PPP4R3A: variants seen among roughly 807,000 people sequenced by gnomAD.
PPP4R3A encodes serine/threonine-protein phosphatase 4 regulatory subunit 3A.
In PPP4R3A, 15 loss-of-function variants were observed where a neutral mutation model predicts 91.7. The observed-to-expected ratio is 0.16, with a 90% CI of 0.11 to 0.25. The LOEUF (loss-of-function observed/expected upper bound fraction) is 0.25. Among genes scored for constraint, PPP4R3A ranks in the 10% least tolerant of loss-of-function variants. The pLI is 1.00. For synonymous variants in PPP4R3A, 377 were observed against 348.7 expected, an observed-to-expected ratio of 1.08 and a Z score of -0.91; for missense variants, 623 against 998.4, an observed-to-expected ratio of 0.62 and a Z score of 5.07.
rs529637366 is a variant in PPP4R3A, at chr14:91,505,677, G to A, written c.142+3829C>T. Among the ~76,000 whole-genome samples the A allele has an allele frequency of 9.7e-4, 147 of 152,204 alleles. 1 individual carries two copies. The highest frequency in any genetic ancestry group is 3.5e-3 in the African/African-American group (146 of 41,548). ...AAATCAAAAGTTTTTTTGGGGAAAA[G>A]CTACAAGTAATTTAGAAAAGAAAAA... On this transcript the variant is annotated intron_variant, in intron 1 of 14. Transcript: ENST00000554943.
At chr14:91,466,940 A>AACACACACACACAC (rs10525073) in intron 10 of PPP4R3A, among the ~76,000 whole-genome samples, 39,162 of 147,340 alleles carry the variant, frequency 0.27, 5,466 homozygotes, top group East Asian at 0.45. Context: ...GTCCTACCAT[A>AACACACACACACAC]ACACACACAC....
chr14:91,460,361 T>A (rs1888053752), intron 14 of PPP4R3A, among the ~76,000 whole-genome samples: 1 of 151,812 alleles, frequency 6.6e-6, no homozygotes, highest in South Asian at 2.1e-4. Context: ...ACTGCTCTGC[T>A]CTCAAGCCTG....
At chr14:91,486,945 A>G (rs937379550) in intron 2 of PPP4R3A, among the ~76,000 whole-genome samples, 21 of 149,192 alleles carry the variant, frequency 1.4e-4, no homozygotes, top group African/African-American at 4.4e-4. Flanking sequence ...AAATATTTAT[A>G]AGGCCTAATA....
At chr14:91,486,774 T>G (rs947444568) in intron 2 of PPP4R3A, among the ~76,000 whole-genome samples, 1 of 151,620 alleles carries the variant, frequency 6.6e-6, no homozygotes, top group Non-Finnish European at 1.5e-5. Context: ...TAGCCGGGCA[T>G]GTGCCTGTAA....
Position 91,458,571 on chromosome 14 carries a change from C to T in PPP4R3A, c.*188G>A. On this transcript the variant is annotated 3_prime_UTR_variant, in exon 15 of 15. Transcript: ENST00000554943. ...GAGCTCAAAGGCTTAAGTCTTTCCCCTAAATATATGATATCCCCTCCTCCT... is the reference window on the plus strand; with the variant it reads ...GAGCTCAAAGGCTTAAGTCTTTCCCTTAAATATATGATATCCCCTCCTCCT... The T allele has an allele frequency of 1.2e-6, 1 of 820,912 alleles. No individual in the cohort carries two copies. Among genetic ancestry groups the T allele is most frequent in the Non-Finnish European group, 2.1e-6 (1 of 485,020 alleles). 50.9% of individuals were successfully genotyped at this position (820,912 alleles called of 1,614,324 possible).
intron 1 of PPP4R3A, among the ~76,000 whole-genome samples, chr14:91,507,420 A>AT (rs1566660360): frequency 7.7e-4 from 61 of 79,706 alleles, no homozygotes; most frequent in Non-Finnish European, 1.2e-3. Context: ...ATACTATATA[A>AT]TATATATACT....
chr14:91,480,331 G>A (rs1889479833), intron 4 of PPP4R3A, among the ~76,000 whole-genome samples: 2 of 152,102 alleles, frequency 1.3e-5, no homozygotes, highest in Admixed American at 6.6e-5. Context: ...GCTTTAAGAA[G>A]TTAAGGCTGC....
chr14:91,464,435 G>A (rs1355457205), intron 11 of PPP4R3A, among the ~76,000 whole-genome samples: 2 of 151,396 alleles, frequency 1.3e-5, no homozygotes, highest in African/African-American at 4.9e-5. Context: ...AAAATAGCAA[G>A]TTTAATGTTT....
At chr14:91,477,930 T>C (rs1889308672) in intron 4 of PPP4R3A, among the ~76,000 whole-genome samples, 1 of 148,544 alleles carries the variant, frequency 6.7e-6, no homozygotes, top group South Asian at 2.2e-4. Flanking sequence ...ATTACGCACA[T>C]GAACCACCAT....
chr14:91,491,494 G>A (rs1038490334), intron 1 of PPP4R3A, among the ~76,000 whole-genome samples: 10 of 152,004 alleles, frequency 6.6e-5, no homozygotes, highest in Admixed American at 2.6e-4. Flanking sequence ...TGCAACCTCC[G>A]CCTCCCAAGT....
intron 12 of PPP4R3A, 33 bp from the exon 13 acceptor site, chr14:91,462,272 A>C: frequency 6.0e-6 from 9 of 1,505,632 alleles, no homozygotes; most frequent in Non-Finnish European, 7.9e-6. Context: ...AAATACAATC[A>C]TATATGGACT....
intron 7 of PPP4R3A, among the ~76,000 whole-genome samples, chr14:91,473,715 A>T (rs1335866705): frequency 6.6e-6 from 1 of 152,212 alleles, no homozygotes; most frequent in Non-Finnish European, 1.5e-5. Flanking sequence ...CCATAGCTTT[A>T]AGAGTAAGAA....
At chr14:91,504,341 AG>A (rs1322489708) in intron 1 of PPP4R3A, among the ~76,000 whole-genome samples, 1 of 149,144 alleles carries the variant, frequency 6.7e-6, no homozygotes, top group Non-Finnish European at 1.5e-5. Flanking sequence ...AAAAAAAAAA[AG>A]AAAAGAAAAG....
At chr14:91,499,084 G>A (rs888215697) in intron 1 of PPP4R3A, among the ~76,000 whole-genome samples, 1 of 151,740 alleles carries the variant, frequency 6.6e-6, no homozygotes, top group African/African-American at 2.4e-5. Context: ...ACCACGCCCA[G>A]CTGAGACCTC....
At chr14:91,498,416 G>T (rs536594646) in intron 1 of PPP4R3A, among the ~76,000 whole-genome samples, 21 of 151,966 alleles carry the variant, frequency 1.4e-4, no homozygotes, top group African/African-American at 4.6e-4. Context: ...TTGTTAACAT[G>T]CTAAGTTAGA....
Position 91,506,339 on chromosome 14 carries a change from G to A in PPP4R3A, c.142+3167C>T, listed in dbSNP as rs377545813. On this transcript the variant is annotated intron_variant, in intron 1 of 14. Coordinates refer to ENST00000554943, the MANE Select transcript of PPP4R3A (RefSeq NM_001366432.2). Reference sequence around the variant, plus strand: ...CAAATGCAAGTAGACAGTAACATGGGAGTTTAATATGGTTAATAGCACTAA... The same window carrying A: ...CAAATGCAAGTAGACAGTAACATGGAAGTTTAATATGGTTAATAGCACTAA... Among the ~76,000 whole-genome samples the A allele has an allele frequency of 1.2e-4, 19 of 152,280 alleles. No individual in the cohort carries two copies. In the East Asian group the frequency reaches 3.3e-3, roughly 26 times the overall value.
At chr14:91,470,036 A>G (rs1888744537) in intron 10 of PPP4R3A, among the ~76,000 whole-genome samples, 1 of 151,994 alleles carries the variant, frequency 6.6e-6, no homozygotes, top group African/African-American at 2.4e-5. Flanking sequence ...GTGCATGACT[A>G]TGACTGCTTC....
At position 91,509,999 on chromosome 14, in the gene PPP4R3A, T is replaced by TCCGCGAAGCAGCTTC. The variant is rs1891690643; in HGVS notation, c.-367_-353dup. On this transcript the variant is annotated 5_prime_UTR_variant, in exon 1 of 15. Transcript: ENST00000554943. ...CCCTGCTCCCGCCTCCGCCATGATC[T>TCCGCGAAGCAGCTTC]CCGCGAAGCAGCTTCCCGCGCCGCC... is the stretch of plus-strand genomic sequence containing the variant. The TCCGCGAAGCAGCTTC allele has an allele frequency of 1.0e-6, 1 of 975,586 alleles. No individual in the cohort carries two copies. The allele number at this position is 975,586 out of a possible 1,614,324, so 60.4% of individuals were successfully genotyped here.
chr14:91,473,344 T>G lies in PPP4R3A; in HGVS notation c.1293A>C (p.Ile431=). 5 of 1,613,678 alleles carry G rather than the reference T, an allele frequency of 3.1e-6. No homozygotes were observed. The highest frequency in any genetic ancestry group is 3.4e-6 in the Non-Finnish European group (4 of 1,179,926). The change falls in exon 8 of 15, where the codon ATA becomes ATC. Residue 431 remains isoleucine (I), a synonymous_variant. Coordinates refer to ENST00000554943, the MANE Select transcript of PPP4R3A (RefSeq NM_001366432.2). ...SKDILLINLI[I]EHMICDTDPE... is the part of the protein sequence containing the mutation. ...GATCTGTATCACAAATCATATGTTC[T>G]ATAATGAGGTTGATGAGCAAAATAT...
Sources: gnomAD v4.1 joint callset for allele counts (sites outside exome capture counted in the v4.1 genomes callset) on GRCh38, gnomAD v4.1.1 for gene constraint, MANE v1.5 for transcripts, NCBI Gene and HGNC (gene_info 2026-07-23, HGNC 2026-07-21) for gene names.